IL12RB1: variants seen among roughly 807,000 people sequenced by gnomAD.
IL12RB1 encodes the protein interleukin-12 receptor subunit beta-1.
IL12RB1 carries 64 observed loss-of-function variants against 94.4 expected under a neutral mutation model. The ratio of observed to expected loss-of-function variants is 0.68; its 90% CI spans 0.55 to 0.83. The LOEUF is 0.83. Among genes scored for constraint, IL12RB1 ranks in the 40% least tolerant of loss-of-function variants. The probability of loss-of-function intolerance (pLI) is 0.00; values close to 1 mark genes in which losing one functional copy is unlikely to be tolerated. For missense variants in IL12RB1, 814 were observed against 855.6 expected (o/e 0.95, Z 0.61); for synonymous variants, 362 against 355.5 (o/e 1.02, Z -0.21).
intron 1 of IL12RB1, among the ~76,000 whole-genome samples, chr19:18,095,863 C>G (rs2036866659): frequency 6.6e-6 from 1 of 152,140 alleles, no homozygotes. Context: ...AGTGTCCACA[C>G]TGTACAGTGG....
At chr19:18,063,368 G>C (rs1279998161) in intron 13 of IL12RB1, among the ~76,000 whole-genome samples, 1 of 151,918 alleles carries the variant, frequency 6.6e-6, no homozygotes, top group Admixed American at 6.6e-5. Flanking sequence ...AAAGTGCTGG[G>C]ATTACAGGTG....
intron 4 of IL12RB1, among the ~76,000 whole-genome samples, chr19:18,077,969 C>A (rs1175865625): frequency 6.6e-6 from 1 of 152,094 alleles, no homozygotes; most frequent in Non-Finnish European, 1.5e-5. Flanking sequence ...ATTAGCCAGG[C>A]ATGGTAGTTC....
In IL12RB1 at chr19:18,066,609, G is replaced by A. The variant is rs1402418091; in HGVS notation, c.1416C>T (p.Ser472=). 4 of 1,613,034 alleles carry A rather than the reference G, an allele frequency of 2.5e-6. No individual in the cohort carries two copies. Among genetic ancestry groups the A allele is most frequent in the Non-Finnish European group, 3.4e-6 (4 of 1,179,352 alleles). ...VSVDWAPSLL[S]TCPGVLKEYV... ...ACTCCTTTAGGACGCCGGGACAGGT[G>A]CTCAGCAGGGATGGTGCCCAGTCCA... The change falls in exon 12 of 17, where the codon AGC becomes AGT. Residue 472 remains serine, a synonymous_variant. Transcript: ENST00000593993.
intron 7 of IL12RB1, among the ~76,000 whole-genome samples, chr19:18,074,410 CT>C: frequency 6.6e-6 from 1 of 152,276 alleles, no homozygotes; most frequent in East Asian, 1.9e-4. Context: ...TGACATTGTC[CT>C]TGAGACACCG....
At position 18,086,908 on chromosome 19, in the gene IL12RB1, A is replaced by G. The variant is rs760956034; in HGVS notation, c.-85T>C. 1.1e-5 allele frequency: 17 copies of G among 1,569,934 alleles called. No homozygotes were observed. In the African/African-American group the frequency reaches 2.0e-4, roughly 19 times the overall value. On this transcript the variant is annotated 5_prime_UTR_variant, in exon 1 of 17. It removes an upstream start codon present in the reference 5' UTR. Transcript: ENST00000593993. ...CCACCCCGTCCCCACTCCGGAACAC[A>G]TTGAAGCTGAGCAAGGAGAAAAGAC...
intron 13 of IL12RB1, among the ~76,000 whole-genome samples, chr19:18,062,663 T>C (rs576240999): frequency 6.6e-6 from 1 of 151,882 alleles, no homozygotes; most frequent in African/African-American, 2.4e-5. Context: ...TCCCAGCTAC[T>C]TGGGAGGGTG....
At chr19:18,086,411 C>T (rs962289557) in intron 1 of IL12RB1, among the ~76,000 whole-genome samples, 1 of 152,038 alleles carries the variant, frequency 6.6e-6, no homozygotes, top group Non-Finnish European at 1.5e-5. Flanking sequence ...TGACTGTATA[C>T]ATTATATTAT....
chr19:18,084,014 T>A (rs574944054), intron 1 of IL12RB1, among the ~76,000 whole-genome samples: 1 of 142,492 alleles, frequency 7.0e-6, no homozygotes, highest in Admixed American at 6.9e-5. Flanking sequence ...CATCTACCCA[T>A]CCATCCATCC....
At chr19:18,090,970 A>G (rs1237725473), upstream of IL12RB1, among the ~76,000 whole-genome samples, 2 of 152,130 alleles carry the variant, frequency 1.3e-5, no homozygotes, top group African/African-American at 4.8e-5. Context: ...AGCAGAGGCA[A>G]AAGTCCAGAG....
At chr19:18,092,209 T>G (rs2036662046) in intron 1 of IL12RB1, among the ~76,000 whole-genome samples, 1 of 149,690 alleles carries the variant, frequency 6.7e-6, no homozygotes, top group Non-Finnish European at 1.5e-5. Flanking sequence ...TTTCAGTTTT[T>G]GGTAGAAATG....
At chr19:18,079,560 G>T (rs1394930034) in intron 4 of IL12RB1, among the ~76,000 whole-genome samples, 5 of 151,546 alleles carry the variant, frequency 3.3e-5, no homozygotes, top group African/African-American at 1.2e-4. Context: ...TCCATCCCCG[G>T]TAACCACAGT....
chr19:18,071,712 C>A (rs2035061879), intron 9 of IL12RB1, among the ~76,000 whole-genome samples: 1 of 151,924 alleles, frequency 6.6e-6, no homozygotes, highest in Non-Finnish European at 1.5e-5. Flanking sequence ...CTCTTTGTTG[C>A]CCAGGCTGGA....
chr19:18,064,083 C>G, intron 12 of IL12RB1, 73 bp from the exon 13 acceptor site: 1 of 1,042,752 alleles, frequency 9.6e-7, no homozygotes, highest in South Asian at 1.3e-5. Flanking sequence ...CTACCACAGC[C>G]TGTGGGTGGG....
In IL12RB1 at chr19:18,079,249, G is replaced by A. The variant is rs549564994; in HGVS notation, c.409+1583C>T. 2.0e-5 allele frequency among the ~76,000 whole-genome samples: 3 copies of A among 151,690 alleles called. No homozygotes were observed. The East Asian group carries it at 5.9e-4, about 30-fold the overall frequency. On this transcript the variant is annotated intron_variant, in intron 4 of 16. Coordinates refer to ENST00000593993, the MANE Select transcript of IL12RB1 (RefSeq NM_005535.3). ...ATCCCGAGTAGCTGGAATTACAGGCGCCCGCCACCACACTCGGCTAATTTT... is the reference window on the plus strand; with the variant it reads ...ATCCCGAGTAGCTGGAATTACAGGCACCCGCCACCACACTCGGCTAATTTT...
At chr19:18,090,063 T>C (rs2146549211), upstream of IL12RB1, among the ~76,000 whole-genome samples, 1 of 152,202 alleles carries the variant, frequency 6.6e-6, no homozygotes, top group South Asian at 2.1e-4. Flanking sequence ...GATAGAGAGA[T>C]ACATAAAGAT....
At chr19:18,083,127 G>C (rs1045359472) in intron 2 of IL12RB1, 2 of 333,208 alleles carry the variant, frequency 6.0e-6, no homozygotes, top group Non-Finnish European at 1.1e-5. Flanking sequence ...TTATCAGGTT[G>C]GGGGGGGGGC....
In IL12RB1 at chr19:18,062,225, C is replaced by T; in HGVS notation, c.1671G>A (p.Leu557=). Residue 557 remains leucine, a synonymous_variant, in exon 14 of 17, where the codon CTG becomes CTA. Coordinates refer to ENST00000593993, the MANE Select transcript of IL12RB1 (RefSeq NM_005535.3). The part of the protein sequence containing the change: ...LIFFASLGSF[L]SILLVGVLGY... ...CAAGGACGCCCACGAGAAGGATGCT[C>T]AGGAAGCTCCCCAGGGAGGCGAAGA... 1 of 1,613,518 alleles carries T rather than the reference C, an allele frequency of 6.2e-7. No homozygotes were observed. The highest frequency in any genetic ancestry group is 8.5e-7 in the Non-Finnish European group (1 of 1,179,646).
At chr19:18,080,772 C>T (rs1266116465) in intron 4 of IL12RB1, 60 bp downstream of exon 4, 1 of 1,125,250 alleles carries the variant, frequency 8.9e-7, no homozygotes, top group Non-Finnish European at 1.4e-6. Flanking sequence ...CTAGCTCCAG[C>T]CTTGCAGCCT....
chr19:18,088,796 G>A (rs139688986), upstream of IL12RB1, among the ~76,000 whole-genome samples: 691 of 152,086 alleles, frequency 4.5e-3, 15 homozygotes, highest in East Asian at 0.068. Context: ...TTGGGAGGCC[G>A]AGGTGGGCGG....
Sources: gnomAD v4.1 joint callset for allele counts (sites outside exome capture counted in the v4.1 genomes callset) on GRCh38, gnomAD v4.1.1 for gene constraint, MANE v1.5 for transcripts, NCBI Gene and HGNC (gene_info 2026-07-23, HGNC 2026-07-21) for gene names.